HDLBP: variants seen among roughly 807,000 people sequenced by gnomAD.
HDLBP encodes vigilin.
HDLBP carries 30 observed loss-of-function variants against 137.3 expected under a neutral mutation model. The observed-to-expected ratio is 0.22, with a 90% CI of 0.16 to 0.30. The LOEUF is 0.30. HDLBP is among the 10% of genes least tolerant of loss of function. HDLBP has a pLI of 1.00. For missense variants in HDLBP, 1,119 were observed against 1,667.3 expected, an observed-to-expected ratio of 0.67 and a Z score of 5.73; for synonymous variants, 606 against 596.0, an observed-to-expected ratio of 1.02 and a Z score of -0.24.
intron 5 of HDLBP, among the ~76,000 whole-genome samples, chr2:241,258,801 T>C (rs2072925349): frequency 6.6e-6 from 1 of 152,138 alleles, no homozygotes; most frequent in African/African-American, 2.4e-5. Context: ...AAATTTAAAG[T>C]ATATTTGGTT....
chr2:241,260,855 G>A (rs2073101520), intron 5 of HDLBP, among the ~76,000 whole-genome samples: 1 of 152,110 alleles, frequency 6.6e-6, no homozygotes, highest in Non-Finnish European at 1.5e-5. Flanking sequence ...GTCAATAGCA[G>A]AACCAAAAAC....
chr2:241,296,223 C>T (rs912132295), intron 1 of HDLBP, among the ~76,000 whole-genome samples: 4 of 151,996 alleles, frequency 2.6e-5, no homozygotes, highest in East Asian at 1.9e-4. Context: ...AACAGACTCA[C>T]GTGTACCTGT....
intron 1 of HDLBP, among the ~76,000 whole-genome samples, chr2:241,294,636 C>G (rs1218083681): frequency 6.6e-6 from 1 of 151,946 alleles, no homozygotes; most frequent in African/African-American, 2.4e-5. Context: ...ATTTTTTCTC[C>G]AAGAGACAGG....
In HDLBP at chr2:241,304,123, C is replaced by T. The variant is rs115917768; in HGVS notation, c.-103+11447G>A. 6.1e-3 allele frequency among the ~76,000 whole-genome samples: 935 copies of T among 152,318 alleles called. 5 individuals carry two copies. Among genetic ancestry groups the T allele is most frequent in the African/African-American group, 0.022 (894 of 41,566 alleles). On this transcript the variant is annotated intron_variant, in intron 1 of 27. Transcript: ENST00000310931. ...TGTATGTATTACAGGCATAAGCCAC[C>T]ATGCCCGGCCAGATCATTACCTTTT... is the stretch of plus-strand genomic sequence containing the variant.
intron 1 of HDLBP, chr2:241,270,878 C>A: frequency 1.4e-6 from 1 of 716,968 alleles, no homozygotes; most frequent in Non-Finnish European, 1.7e-6. Context: ...CAGAGGCTAA[C>A]ATCGGGTATC....
At chr2:241,296,119 G>C (rs551828657) in intron 1 of HDLBP, among the ~76,000 whole-genome samples, 4 of 100,458 alleles carry the variant, frequency 4.0e-5, no homozygotes, top group African/African-American at 1.4e-4. Flanking sequence ...AAAAAAAAAA[G>C]CTGGGATTCA....
At position 241,229,581 on chromosome 2, in the gene HDLBP, G is replaced by C; in HGVS notation, c.*20C>G. The C allele has an allele frequency of 6.3e-7, 1 of 1,585,372 alleles. No individual in the cohort carries two copies. Among genetic ancestry groups the C allele is most frequent in the South Asian group, 1.1e-5 (1 of 90,180 alleles). On this transcript the variant is annotated 3_prime_UTR_variant, in exon 28 of 28. Coordinates refer to ENST00000310931, the MANE Select transcript of HDLBP (RefSeq NM_005336.6). ...GGGTTTGGGTCAGCAGGCTGGAGAG[G>C]GTTCTGTTCTTTTTGATCATTATCG...
intron 1 of HDLBP, among the ~76,000 whole-genome samples, chr2:241,308,619 G>A (rs1282525096): frequency 6.6e-6 from 1 of 152,110 alleles, no homozygotes; most frequent in African/African-American, 2.4e-5. Context: ...ACTGTTTTGC[G>A]GGGTATGCAG....
chr2:241,296,665 T>G (rs2075193400), intron 1 of HDLBP, among the ~76,000 whole-genome samples: 1 of 152,234 alleles, frequency 6.6e-6, no homozygotes, highest in African/African-American at 2.4e-5. Flanking sequence ...TTCATCTTCA[T>G]GCAGCCTTTA....
At position 241,230,144 on chromosome 2, in the gene HDLBP, G is replaced by A; in HGVS notation, c.3591+9C>T. 2.5e-6 allele frequency: 4 copies of A among 1,607,078 alleles called. No individual in the cohort carries two copies. Among genetic ancestry groups the A allele is most frequent in the South Asian group, 1.1e-5 (1 of 90,964 alleles). On this transcript the variant is annotated intron_variant, in intron 26 of 27. Coordinates refer to ENST00000310931, the MANE Select transcript of HDLBP (RefSeq NM_005336.6). The surrounding 1 kb of genome is among the most constrained non-coding windows in gnomAD (Gnocchi z 5.0). ...GCGCCTCAGGGCTCCAAGGCCCACA[G>A]AGACTCACGTATTCCTCCTCCAGAT...
At chr2:241,294,320 A>AAAC (rs1477993875) in intron 1 of HDLBP, among the ~76,000 whole-genome samples, 1 of 152,184 alleles carries the variant, frequency 6.6e-6, no homozygotes, top group African/African-American at 2.4e-5. Context: ...ATTCTATCTA[A>AAAC]AACACATGGT....
At chr2:241,236,915 G>A (rs2070556420) in intron 20 of HDLBP, 146 bp from the exon 21 acceptor site, 1 of 699,420 alleles carries the variant, frequency 1.4e-6, no homozygotes, top group Non-Finnish European at 2.3e-6. Flanking sequence ...GGAGGTCTTG[G>A]TCTGGTCAGG....
In HDLBP at chr2:241,229,480, G is replaced by A. The variant is rs1167902482; in HGVS notation, c.*121C>T. The A allele has an allele frequency of 1.3e-5, 10 of 741,720 alleles. No individual in the cohort carries two copies. Among genetic ancestry groups the A allele is most frequent in the East Asian group, 2.7e-5 (1 of 36,406 alleles). 45.9% of individuals were successfully genotyped at this position (741,720 alleles called of 1,614,324 possible). ...GGCGCTAGGCTCCCTGCGGGACCTC[G>A]GGAAGGGGGAAGAGCGTCAACAATT... is the stretch of plus-strand genomic sequence containing the variant. On this transcript the variant is annotated 3_prime_UTR_variant, in exon 28 of 28. Transcript: ENST00000310931.
chr2:241,253,261 T>C (rs1011875867), intron 10 of HDLBP, 132 bp downstream of exon 10: 2 of 755,586 alleles, frequency 2.6e-6, no homozygotes, highest in African/African-American at 3.4e-5. Flanking sequence ...TCAGAACCTA[T>C]TACTCACCCA....
In HDLBP at chr2:241,262,691, G is replaced by A. The variant is rs1331393652; in HGVS notation, c.450+20C>T. ...ACGGGTACACAGTCACTGGGGAGAA[G>A]TAGGCCTCAGGCTACCCACCTGAGT... is the stretch of plus-strand genomic sequence containing the variant. On this transcript the variant is annotated intron_variant, in intron 5 of 27. Coordinates refer to ENST00000310931, the MANE Select transcript of HDLBP (RefSeq NM_005336.6). 6.3e-7 allele frequency: 1 copy of A among 1,581,418 alleles called. No homozygotes were observed. Among genetic ancestry groups the A allele is most frequent in the East Asian group, 2.2e-5 (1 of 44,732 alleles).
intron 2 of HDLBP, chr2:241,267,431 GAC>G: frequency 2.8e-6 from 2 of 718,700 alleles, no homozygotes; most frequent in Non-Finnish European, 4.7e-6. Context: ...GGGCCACAGA[GAC>G]ACAGTCAACA....
At chr2:241,281,269 G>C (rs765781352) in intron 1 of HDLBP, among the ~76,000 whole-genome samples, 18 of 152,150 alleles carry the variant, frequency 1.2e-4, no homozygotes, top group Non-Finnish European at 2.5e-4. Context: ...TGGGAGAATC[G>C]CTTGAACCCG....
chr2:241,261,828 A>G (rs1254261548), intron 5 of HDLBP, among the ~76,000 whole-genome samples: 1 of 152,086 alleles, frequency 6.6e-6, no homozygotes, highest in African/African-American at 2.4e-5. Flanking sequence ...TCCTGGCTAC[A>G]CCCTGCACTC....
intron 1 of HDLBP, among the ~76,000 whole-genome samples, chr2:241,286,548 C>A (rs1463778753): frequency 6.6e-6 from 1 of 152,150 alleles, no homozygotes; most frequent in Non-Finnish European, 1.5e-5. Context: ...CTCTCCAGAC[C>A]GAACCAATGT....
Sources: allele counts gnomAD v4.1 joint callset (sites outside exome capture counted in the v4.1 genomes callset), GRCh38; gene constraint gnomAD v4.1.1; non-coding constraint Gnocchi (gnomAD v3.1); transcripts MANE v1.5; gene names NCBI Gene and HGNC (gene_info 2026-07-23, HGNC 2026-07-21).